Variants in SDK1 observed in about 807,000 individuals in gnomAD.
SDK1 encodes the protein protein sidekick-1.
Under a neutral mutation model 245.5 loss-of-function variants are expected in SDK1, and 157 were observed. That is an observed-to-expected ratio of 0.64 (90% CI 0.56 to 0.73). SDK1 has a LOEUF of 0.73. SDK1 is among the 30% of genes least tolerant of loss of function. The probability of loss-of-function intolerance (pLI) is 0.00; values close to 1 mark genes in which losing one functional copy is unlikely to be tolerated. For synonymous variants in SDK1, 1,647 were observed against 1,278.5 expected (o/e 1.29, Z -6.15); for missense variants, 3,583 against 3,002.3 (o/e 1.19, Z -4.52).
intron 40 of SDK1, among the ~76,000 whole-genome samples, chr7:4,226,243 G>T (rs956989293): frequency 3.3e-5 from 5 of 152,174 alleles, no homozygotes; most frequent in African/African-American, 1.2e-4. Context: ...GGCCACACAG[G>T]GGCCCTCACC....
intron 1 of SDK1, among the ~76,000 whole-genome samples, chr7:3,381,782 C>A (rs961441250): frequency 6.6e-6 from 1 of 152,082 alleles, no homozygotes; most frequent in African/African-American, 2.4e-5. Flanking sequence ...GCATGAAATG[C>A]GGGTAATTGG....
rs3066355 is a variant in SDK1, at chr7:4,068,714, T to TTTTATTTATTTATTTATTTATTTATTTA, written c.3010+803_3010+804insTTATTTATTTATTTATTTATTTATTTAT. Among the ~76,000 whole-genome samples, 209 of 149,532 alleles carry TTTTATTTATTTATTTATTTATTTATTTA rather than the reference T, an allele frequency of 1.4e-3. 1 individual carries two copies. The highest frequency in any genetic ancestry group is 0.013 in the South Asian group (60 of 4,662). On this transcript the variant is annotated intron_variant, in intron 20 of 44. Transcript: ENST00000404826. ...TCACCTTTTTTAGGGTTTTTAATGA[T>TTTTATTTATTTATTTATTTATTTATTTA]TTTATTTATTTATTTATTTATTTAT...
intron 14 of SDK1, among the ~76,000 whole-genome samples, chr7:4,004,975 T>C (rs904027433): frequency 6.6e-6 from 1 of 150,480 alleles, no homozygotes; most frequent in African/African-American, 2.4e-5. Context: ...ACAGTTGTCC[T>C]ATAGAAGGCC....
intron 4 of SDK1, among the ~76,000 whole-genome samples, chr7:3,746,755 T>C (rs984506788): frequency 6.6e-6 from 1 of 152,230 alleles, no homozygotes; most frequent in Non-Finnish European, 1.5e-5. Context: ...TCTTGCCGTT[T>C]CTACCACATC....
At chr7:3,734,528 C>CTG (rs902769049) in intron 4 of SDK1, among the ~76,000 whole-genome samples, 2 of 152,228 alleles carry the variant, frequency 1.3e-5, no homozygotes, top group African/African-American at 4.8e-5. Flanking sequence ...CTTTAACTAT[C>CTG]AAGTCAGTAC....
intron 20 of SDK1, among the ~76,000 whole-genome samples, chr7:4,075,066 C>T (rs930357346): frequency 6.6e-6 from 1 of 151,482 alleles, no homozygotes; most frequent in African/African-American, 2.4e-5. Context: ...GATGAAGACA[C>T]CACAGAGGAT....
At chr7:3,781,412 T>G (rs1464428698) in intron 4 of SDK1, among the ~76,000 whole-genome samples, 12 of 152,104 alleles carry the variant, frequency 7.9e-5, no homozygotes, top group Admixed American at 5.9e-4. Flanking sequence ...AGAATCACAG[T>G]CTAGATTAGA....
chr7:3,523,736 T>G lies in SDK1; in HGVS notation c.299-95344T>G, dbSNP rs190772653. ...ACTTGTAACTGTCAGAAATCAGAATTAATCGATTAATAATAGCAAATATTA... is the reference window on the plus strand; with the variant it reads ...ACTTGTAACTGTCAGAAATCAGAATGAATCGATTAATAATAGCAAATATTA... On this transcript the variant is annotated intron_variant, in intron 1 of 44. Coordinates refer to ENST00000404826, the MANE Select transcript of SDK1 (RefSeq NM_152744.4). Among the ~76,000 whole-genome samples the G allele has an allele frequency of 9.0e-4, 137 of 152,258 alleles. 1 individual carries two copies. Among genetic ancestry groups the G allele is most frequent in the Non-Finnish European group, 1.3e-3 (88 of 68,018 alleles).
At chr7:3,847,484 G>T (rs530008467) in intron 5 of SDK1, among the ~76,000 whole-genome samples, 37 of 152,340 alleles carry the variant, frequency 2.4e-4, no homozygotes, top group African/African-American at 8.4e-4. Flanking sequence ...TATGGCCATG[G>T]CCACAAGAGT....
chr7:3,352,578 T>G (rs1220465054), intron 1 of SDK1, among the ~76,000 whole-genome samples: 6 of 152,094 alleles, frequency 3.9e-5, no homozygotes, highest in Non-Finnish European at 8.8e-5. Context: ...CCTAAGGAAA[T>G]TTGAGGCTCA....
At chr7:3,397,489 CA>C (rs1212524568) in intron 1 of SDK1, among the ~76,000 whole-genome samples, 1 of 149,388 alleles carries the variant, frequency 6.7e-6, no homozygotes, top group African/African-American at 2.5e-5. Flanking sequence ...TTCCCCCCCC[CA>C]GCGCTTTGAA....
chr7:4,150,784 A>C (rs1780315685), intron 30 of SDK1, among the ~76,000 whole-genome samples: 1 of 152,230 alleles, frequency 6.6e-6, no homozygotes, highest in Non-Finnish European at 1.5e-5. Flanking sequence ...TAGATGTGAC[A>C]ACAGGGGGTT....
At chr7:4,235,329 A>G (rs1786090936) in intron 41 of SDK1, among the ~76,000 whole-genome samples, 1 of 151,968 alleles carries the variant, frequency 6.6e-6, no homozygotes, top group Admixed American at 6.6e-5. Context: ...ACGCCCGGCT[A>G]ATTTTTGTAT....
intron 5 of SDK1, among the ~76,000 whole-genome samples, chr7:3,826,417 C>T (rs543046608): frequency 3.9e-5 from 6 of 152,300 alleles, no homozygotes; most frequent in Admixed American, 1.3e-4. Context: ...ATTCTTATGA[C>T]ATCTGGTTAC....
In SDK1 at chr7:3,691,950, C is replaced by A. The variant is rs189425844; in HGVS notation, c.713+49845C>A. On this transcript the variant is annotated intron_variant, in intron 4 of 44. Transcript: ENST00000404826. ...TTCACTATGACCTTGCTTTTCCACTCCCCTCCCGCTGGGTCTTTCAGTCTG... is the reference window on the plus strand; with the variant it reads ...TTCACTATGACCTTGCTTTTCCACTACCCTCCCGCTGGGTCTTTCAGTCTG... Among the ~76,000 whole-genome samples the A allele has an allele frequency of 1.2e-3, 185 of 152,232 alleles. 1 individual carries two copies. Among genetic ancestry groups the A allele is most frequent in the Admixed American group, 5.6e-3 (86 of 15,282 alleles).
At chr7:3,873,942 T>A (rs1014981162) in intron 5 of SDK1, among the ~76,000 whole-genome samples, 1 of 152,240 alleles carries the variant, frequency 6.6e-6, no homozygotes, top group Non-Finnish European at 1.5e-5. Context: ...TGTCTGAGTC[T>A]TCTTCTGATC....
intron 1 of SDK1, among the ~76,000 whole-genome samples, chr7:3,590,300 C>CTTTTTTTTTTTTTT (rs200303832): frequency 4.1e-4 from 39 of 96,136 alleles, no homozygotes; most frequent in East Asian, 1.0e-3. Context: ...TTTCCTGTTC[C>CTTTTTTTTTTTTTT]TTTTTTTTTT....
chr7:3,769,145 T>A (rs141066275), intron 4 of SDK1, among the ~76,000 whole-genome samples: 155 of 152,330 alleles, frequency 1.0e-3, no homozygotes, highest in African/African-American at 3.6e-3. Context: ...AGAGATCCCA[T>A]GGACCCCTTT....
intron 1 of SDK1, among the ~76,000 whole-genome samples, chr7:3,610,901 C>G (rs539230960): frequency 1.3e-5 from 2 of 152,328 alleles, no homozygotes; most frequent in South Asian, 2.1e-4. Context: ...ACACCAGGGA[C>G]AAATTACTTG....
Sources: allele counts gnomAD v4.1 joint callset (sites outside exome capture counted in the v4.1 genomes callset), GRCh38; gene constraint gnomAD v4.1.1; transcripts MANE v1.5; gene names NCBI Gene and HGNC (gene_info 2026-07-23, HGNC 2026-07-21).